Variants in NXPH1 observed in about 807,000 individuals in gnomAD.
The protein encoded by NXPH1 is neurexophilin-1.
A neutral mutation model predicts 23.7 loss-of-function variants in NXPH1; 5 were observed. The observed-to-expected ratio is 0.21, with a 90% CI of 0.11 to 0.44. The LOEUF is 0.44. Ranked by LOEUF, NXPH1 falls within the 20% of genes least tolerant of loss-of-function variation. NXPH1 has a pLI of 0.99. For missense variants in NXPH1, 324 were observed against 321.6 expected, an observed-to-expected ratio of 1.01 and a Z score of -0.06; for synonymous variants, 144 against 122.2, an observed-to-expected ratio of 1.18 and a Z score of -1.18.
intron 2 of NXPH1, among the ~76,000 whole-genome samples, chr7:8,500,095 C>T (rs1420299489): frequency 2.0e-5 from 3 of 152,088 alleles, no homozygotes; most frequent in Non-Finnish European, 4.4e-5. Flanking sequence ...TAAAATACTG[C>T]ATCCAGGTAT....
chr7:8,460,737 G>A (rs768721113), intron 2 of NXPH1, among the ~76,000 whole-genome samples: 1 of 152,164 alleles, frequency 6.6e-6, no homozygotes, highest in Non-Finnish European at 1.5e-5. Flanking sequence ...AACCACATGA[G>A]CCTTGCAACG....
At chr7:8,610,753 T>C (rs1819600623) in intron 2 of NXPH1, among the ~76,000 whole-genome samples, 1 of 152,090 alleles carries the variant, frequency 6.6e-6, no homozygotes, top group African/African-American at 2.4e-5. Flanking sequence ...TTTTTCAACT[T>C]AGAACAACTG....
At chr7:8,642,578 C>A (rs1820334097) in intron 2 of NXPH1, among the ~76,000 whole-genome samples, 1 of 151,938 alleles carries the variant, frequency 6.6e-6, no homozygotes, top group Non-Finnish European at 1.5e-5. Context: ...TTTAATGTTG[C>A]CTTTTTGACC....
At chr7:8,602,784 C>T (rs1269733107) in intron 2 of NXPH1, among the ~76,000 whole-genome samples, 1 of 152,084 alleles carries the variant, frequency 6.6e-6, no homozygotes, top group African/African-American at 2.4e-5. Context: ...ATATCATGTT[C>T]CTGTTGGCTG....
chr7:8,549,662 G>A (rs1433066707), intron 2 of NXPH1, among the ~76,000 whole-genome samples: 1 of 151,446 alleles, frequency 6.6e-6, no homozygotes, highest in Non-Finnish European at 1.5e-5. Flanking sequence ...AAAAGAGAGA[G>A]TACACTGCCT....
At chr7:8,612,003 G>T (rs2128629679) in intron 2 of NXPH1, among the ~76,000 whole-genome samples, 1 of 152,228 alleles carries the variant, frequency 6.6e-6, no homozygotes, top group South Asian at 2.1e-4. Flanking sequence ...AATATTTCAA[G>T]ATTGTAAATT....
At chr7:8,476,472 C>A (rs751930925) in intron 2 of NXPH1, among the ~76,000 whole-genome samples, 1 of 150,028 alleles carries the variant, frequency 6.7e-6, no homozygotes, top group African/African-American at 2.5e-5. Flanking sequence ...TTTTTTTTTC[C>A]TTTCTAACAT....
chr7:8,454,145 C>T lies in NXPH1; in HGVS notation c.54+18378C>T, dbSNP rs190083684. Among the ~76,000 whole-genome samples, 62 of 152,116 alleles carry T rather than the reference C, an allele frequency of 4.1e-4. 1 individual carries two copies. The highest frequency in any genetic ancestry group is 2.1e-3 in the Admixed American group (32 of 15,276). ...GGAAAACTAACTAATGGGTACTAGGCTTAATACCTGGGTGATGAAATAATC... is the reference window on the plus strand; with the variant it reads ...GGAAAACTAACTAATGGGTACTAGGTTTAATACCTGGGTGATGAAATAATC... On this transcript the variant is annotated intron_variant, in intron 2 of 2. Coordinates refer to ENST00000405863, the MANE Select transcript of NXPH1 (RefSeq NM_152745.3).
At chr7:8,682,534 T>C (rs150436875) in intron 2 of NXPH1, among the ~76,000 whole-genome samples, 79 of 152,334 alleles carry the variant, frequency 5.2e-4, no homozygotes, top group Middle Eastern at 3.4e-3. Context: ...ATAAAGGTCA[T>C]ACAAATAAGA....
In NXPH1 at chr7:8,434,629, C is replaced by T. The variant is rs116047857; in HGVS notation, c.-237C>T. On this transcript the variant is annotated 5_prime_UTR_variant, in exon 1 of 3. Transcript: ENST00000405863. This position sits in a 1 kb window ranked among gnomAD's most constrained non-coding sequence, Gnocchi z 7.6. ...CGAGGCAGCCGGACCCGTCTGCGCT[C>T]GAGCATGGAGACGGAGCGCCTGGGA... 1 of 152,722 alleles carries T rather than the reference C, an allele frequency of 6.5e-6. No individual in the cohort carries two copies. The highest frequency in any genetic ancestry group is 1.5e-5 in the Non-Finnish European group (1 of 68,086). 9.5% of individuals were successfully genotyped at this position (152,722 alleles called of 1,614,324 possible).
At chr7:8,712,871 G>A (rs1779817935) in intron 2 of NXPH1, among the ~76,000 whole-genome samples, 1 of 152,058 alleles carries the variant, frequency 6.6e-6, no homozygotes, top group Non-Finnish European at 1.5e-5. Context: ...ACCTTTGACA[G>A]TTTGGTTATA....
At chr7:8,517,634 G>A (rs746484671) in intron 2 of NXPH1, among the ~76,000 whole-genome samples, 1 of 152,132 alleles carries the variant, frequency 6.6e-6, no homozygotes, top group Admixed American at 6.6e-5. Context: ...ATACGGCACT[G>A]GATTACTGAG....
At chr7:8,485,283 A>G (rs1817140230) in intron 2 of NXPH1, among the ~76,000 whole-genome samples, 1 of 152,150 alleles carries the variant, frequency 6.6e-6, no homozygotes, top group African/African-American at 2.4e-5. Flanking sequence ...ACCTTCTGCC[A>G]TGATTGTGAG....
intron 2 of NXPH1, among the ~76,000 whole-genome samples, chr7:8,494,261 G>A (rs562644758): frequency 3.9e-5 from 6 of 151,978 alleles, no homozygotes; most frequent in African/African-American, 1.4e-4. Flanking sequence ...TTTTATTCCT[G>A]CAGAGGAAAA....
At chr7:8,645,830 C>A (rs1347506094) in intron 2 of NXPH1, among the ~76,000 whole-genome samples, 3 of 152,058 alleles carry the variant, frequency 2.0e-5, no homozygotes, top group African/African-American at 7.2e-5. Context: ...TATTTCTCCA[C>A]TGATAAGCAA....
At position 8,491,853 on chromosome 7, in the gene NXPH1, T is replaced by G. The variant is rs568101174; in HGVS notation, c.54+56086T>G. ...ATTTTCTTTTGCAGCTTCAGCTGAC[T>G]GACTTCTTCATCTAAAGTGCTGTTC... On this transcript the variant is annotated intron_variant, in intron 2 of 2. Coordinates refer to ENST00000405863, the MANE Select transcript of NXPH1 (RefSeq NM_152745.3). Among the ~76,000 whole-genome samples the G allele has an allele frequency of 2.0e-5, 3 of 152,234 alleles. No individual in the cohort carries two copies. The East Asian group carries it at 5.8e-4, about 29-fold the overall frequency.
Position 8,435,405 on chromosome 7 carries a change from C to A in NXPH1, c.-110-199C>A, listed in dbSNP as rs1263611610. 5 of 469,810 alleles carry A rather than the reference C, an allele frequency of 1.1e-5. No homozygotes were observed. The Admixed American group carries it at 1.8e-4, about 17-fold the overall frequency. 29.1% of individuals were successfully genotyped at this position (469,810 alleles called of 1,614,324 possible). A position where few individuals can be genotyped will look rare whatever the true frequency, so the allele number is the denominator to read the frequency against. ...GGAGCCCCTCACCCTCCCTCTCGTC[C>A]GCCCGCCCGCCTCCCCAGCTGCGGA... On this transcript the variant is annotated intron_variant, in intron 1 of 2. Coordinates refer to ENST00000405863, the MANE Select transcript of NXPH1 (RefSeq NM_152745.3). The surrounding 1 kb of genome is among the most constrained non-coding windows in gnomAD (Gnocchi z 5.9).
intron 2 of NXPH1, among the ~76,000 whole-genome samples, chr7:8,478,328 A>G (rs1477683507): frequency 6.6e-6 from 1 of 152,152 alleles, no homozygotes; most frequent in East Asian, 1.9e-4. Context: ...ATATGGATTA[A>G]TTAAATAAAA....
intron 2 of NXPH1, among the ~76,000 whole-genome samples, chr7:8,686,058 C>G (rs981679000): frequency 5.3e-5 from 8 of 151,992 alleles, no homozygotes; most frequent in African/African-American, 1.9e-4. Context: ...ACTATATACC[C>G]ACAAAAATTA....
Sources: gnomAD v4.1 joint callset for allele counts (sites outside exome capture counted in the v4.1 genomes callset) on GRCh38, gnomAD v4.1.1 for gene constraint, Gnocchi (gnomAD v3.1) non-coding constraint, MANE v1.5 for transcripts, NCBI Gene and HGNC (gene_info 2026-07-23, HGNC 2026-07-21) for gene names.